RIPOR2: variants seen among roughly 807,000 people sequenced by gnomAD.
RIPOR2 encodes RHO family interacting cell polarization regulator 2, also known as rho family-interacting cell polarization regulator 2.
A neutral mutation model predicts 114.5 loss-of-function variants in RIPOR2; 39 were observed. That is an observed-to-expected ratio of 0.34 (90% CI 0.26 to 0.44). RIPOR2 has a LOEUF of 0.44. RIPOR2 is among the 20% of genes least tolerant of loss of function. The pLI, the probability that RIPOR2 is intolerant of heterozygous loss-of-function variation, is 1.00. For synonymous variants in RIPOR2, 445 were observed against 484.4 expected (o/e 0.92, Z 1.07); for missense variants, 1,007 against 1,255.1 (o/e 0.80, Z 2.99).
At chr6:24,988,059 C>T (rs1330714494) in intron 1 of RIPOR2, among the ~76,000 whole-genome samples, 1 of 152,238 alleles carries the variant, frequency 6.6e-6, no homozygotes, top group Admixed American at 6.5e-5. Flanking sequence ...ATTTTCAAGA[C>T]TCTTTCAGTT....
At chr6:24,926,155 T>A (rs536969989) in intron 1 of RIPOR2, among the ~76,000 whole-genome samples, 1 of 152,316 alleles carries the variant, frequency 6.6e-6, no homozygotes, top group African/African-American at 2.4e-5. Context: ...AAATTAGAAA[T>A]GTTTTAACAA....
chr6:24,860,997 C>T lies in RIPOR2; in HGVS notation c.691G>A (p.Gly231Arg). The stretch of plus-strand genomic sequence containing the variant: ...CCTTTCATCTTGATGGAGAATTCTC[C>T]CAGCAGATTCTCTAGCTCCACTTCA... ...TIEVELENLL[G>R]EFSIKMKGLA... The change falls in exon 8 of 22, where the codon GGA (glycine) becomes AGA (arginine). Residue 231 changes from glycine to arginine, a missense_variant. Gly to Arg is a moderately radical substitution (Grantham distance 125). Coordinates refer to ENST00000643898, the MANE Select transcript of RIPOR2 (RefSeq NM_001286445.3). 6.2e-7 allele frequency: 1 copy of T among 1,609,086 alleles called. No homozygotes were observed. The highest frequency in any genetic ancestry group is 8.5e-7 in the Non-Finnish European group (1 of 1,176,418).
chr6:24,830,509 C>T lies in RIPOR2; in HGVS notation c.2506G>A (p.Val836Met), dbSNP rs1760584638. The T allele has an allele frequency of 6.5e-7, 1 of 1,550,148 alleles. No individual in the cohort carries two copies. The highest frequency in any genetic ancestry group is 1.4e-5 in the African/African-American group (1 of 72,968). ...TTCTCTCTCTACTGCTGCCTCATACCTGGGTCTGCAAGTCCTGGATATTCT... is the reference window on the plus strand; with the variant it reads ...TTCTCTCTCTACTGCTGCCTCATACTTGGGTCTGCAAGTCCTGGATATTCT... ...NKEYPGLADP[V>M]FRTLVSQILD... Residue 836 changes from valine to methionine, a missense_variant and splice_region_variant, in exon 17 of 22, where the codon GTG (valine) becomes ATG (methionine). Physicochemically the swap from Val to Met is conservative, Grantham distance 21. Transcript: ENST00000643898.
chr6:24,944,337 C>A (rs1487134063), intron 1 of RIPOR2, among the ~76,000 whole-genome samples: 1 of 152,112 alleles, frequency 6.6e-6, no homozygotes, highest in Non-Finnish European at 1.5e-5. Flanking sequence ...TCCCAGGCAT[C>A]TAAAGAAATT....
At chr6:24,995,956 C>T (rs1404293490) in intron 1 of RIPOR2, among the ~76,000 whole-genome samples, 1 of 152,050 alleles carries the variant, frequency 6.6e-6, no homozygotes, top group African/African-American at 2.4e-5. Flanking sequence ...GCGCCCACCA[C>T]CACACCCGGC....
chr6:25,023,756 G>A (rs1380633758), intron 1 of RIPOR2: 2 of 800,024 alleles, frequency 2.5e-6, no homozygotes, highest in African/African-American at 1.7e-5. Flanking sequence ...CTCCAAGGAG[G>A]TCGGGTGGGT....
Position 24,835,760 on chromosome 6 carries a change from G to A in RIPOR2, c.2151C>T (p.Asn717=), listed in dbSNP as rs1046376690. The A allele has an allele frequency of 6.4e-6, 10 of 1,551,498 alleles. No homozygotes were observed. Among genetic ancestry groups the A allele is most frequent in the Middle Eastern group, 1.7e-4 (1 of 6,012 alleles). Residue 717 remains asparagine (N), a synonymous_variant, in exon 15 of 22, where the codon AAC becomes AAT. Transcript: ENST00000643898. ...AGSPLPLTTG[N]ESLDITIVRH... ...TGACGATGGTGATGTCCAGGCTCTC[G>A]TTGCCTGTGGTCAGTGGGAGAGGAC...
intron 1 of RIPOR2, among the ~76,000 whole-genome samples, chr6:25,021,606 A>C (rs1776321128): frequency 2.0e-5 from 3 of 152,332 alleles, no homozygotes; most frequent in African/African-American, 7.2e-5. Flanking sequence ...CAAAGGCATA[A>C]GAAAGACACA....
chr6:24,951,569 C>G (rs1360220691), intron 1 of RIPOR2, among the ~76,000 whole-genome samples: 2 of 152,204 alleles, frequency 1.3e-5, no homozygotes, highest in Non-Finnish European at 2.9e-5. Flanking sequence ...CTTTCCAGTT[C>G]CTTTGCCTCA....
chr6:24,852,031 G>C (rs528280189), intron 9 of RIPOR2, among the ~76,000 whole-genome samples: 1 of 151,656 alleles, frequency 6.6e-6, no homozygotes, highest in Non-Finnish European at 1.5e-5. Flanking sequence ...GGGTGGGCGG[G>C]GGGGAATCAC....
Position 24,832,337 on chromosome 6 carries a change from G to A in RIPOR2, c.2263C>T (p.Leu755Phe). 1 of 1,551,876 alleles carries A rather than the reference G, an allele frequency of 6.4e-7. No individual in the cohort carries two copies. Among genetic ancestry groups the A allele is most frequent in the Non-Finnish European group, 8.7e-7 (1 of 1,146,920 alleles). ...TCCATCACTTGGATCTGCCTAGAAA[G>A]CTTCTCTAAGAGACTTCTTGCCACA... Reference protein sequence around the residue: ...PFVARSLLEKLSRQIQVMEKL... With the variant: ...PFVARSLLEKFSRQIQVMEKL... The change falls in exon 16 of 22, where the codon CTT (leucine) becomes TTT (phenylalanine). Residue 755 changes from leucine (L) to phenylalanine (F), a missense_variant. Transcript: ENST00000643898.
At chr6:24,850,062 T>A (rs943800058) in intron 10 of RIPOR2, 112 bp from the exon 11 acceptor site, 2 of 833,318 alleles carry the variant, frequency 2.4e-6, no homozygotes, top group Non-Finnish European at 3.7e-6. Context: ...CAGAATCATA[T>A]CTGAAATCAG....
chr6:24,878,775 A>T (rs937952745), intron 1 of RIPOR2, among the ~76,000 whole-genome samples: 6 of 152,104 alleles, frequency 3.9e-5, no homozygotes, highest in Non-Finnish European at 8.8e-5. Flanking sequence ...TGCACTAGTG[A>T]TAGGCAGAAA....
intron 1 of RIPOR2, among the ~76,000 whole-genome samples, chr6:24,958,773 G>C (rs759997649): frequency 2.0e-5 from 3 of 152,050 alleles, no homozygotes; most frequent in Non-Finnish European, 2.9e-5. Context: ...GAAACCAATA[G>C]AAATTTATTG....
At chr6:25,010,317 C>T (rs1335811383) in intron 1 of RIPOR2, among the ~76,000 whole-genome samples, 2 of 152,088 alleles carry the variant, frequency 1.3e-5, no homozygotes, top group East Asian at 3.9e-4. Flanking sequence ...GGCCCTCCTT[C>T]CTCCCCCTTT....
intron 7 of RIPOR2, among the ~76,000 whole-genome samples, chr6:24,862,221 C>T (rs1359081301): frequency 2.6e-5 from 4 of 152,234 alleles, no homozygotes; most frequent in Admixed American, 2.6e-4. Flanking sequence ...TGCTGCTTGA[C>T]CAGCTTACAA....
chr6:24,869,235 A>C (rs900178258), intron 5 of RIPOR2, 88 bp from the exon 6 acceptor site: 21 of 634,168 alleles, frequency 3.3e-5, no homozygotes, highest in Non-Finnish European at 5.9e-5. Context: ...TATCATACTC[A>C]AAAGTATTAG....
At chr6:24,854,401 G>A (rs1291257091) in intron 8 of RIPOR2, among the ~76,000 whole-genome samples, 2 of 152,160 alleles carry the variant, frequency 1.3e-5, no homozygotes, top group African/African-American at 4.8e-5. Context: ...GTGTGCATTC[G>A]ACAATGTTTC....
upstream of RIPOR2, among the ~76,000 whole-genome samples, chr6:24,940,738 C>T (rs998031061): frequency 3.3e-5 from 5 of 152,038 alleles, no homozygotes; most frequent in Admixed American, 6.6e-5. Flanking sequence ...CTCCACCTCC[C>T]GGGTTCAAGT....
Sources: allele counts gnomAD v4.1 joint callset (sites outside exome capture counted in the v4.1 genomes callset), GRCh38; gene constraint gnomAD v4.1.1; transcripts MANE v1.5; gene names NCBI Gene and HGNC (gene_info 2026-07-23, HGNC 2026-07-21).